ANLN: variants seen among roughly 807,000 people sequenced by gnomAD.
The protein encoded by ANLN is anillin, actin binding protein, also known as anillin.
In ANLN, 59 loss-of-function variants were observed where a neutral mutation model predicts 135.1. That is an observed-to-expected ratio of 0.44 (90% confidence interval 0.35 to 0.54). ANLN has a LOEUF of 0.54. Ranked by LOEUF, ANLN falls within the 20% of genes least tolerant of loss-of-function variation. ANLN has a pLI of 0.00. For synonymous variants in ANLN, 406 were observed against 456.4 expected (o/e 0.89, Z 1.41); for missense variants, 1,182 against 1,340.0 (o/e 0.88, Z 1.84).
At chr7:36,395,731 A>G (rs1299044932) in intron 1 of ANLN, among the ~76,000 whole-genome samples, 1 of 151,868 alleles carries the variant, frequency 6.6e-6, no homozygotes, top group Non-Finnish European at 1.5e-5. Context: ...AGGAATCTTC[A>G]GTGATCTGGC....
chr7:36,412,490 G>A (rs1328632745), intron 7 of ANLN, among the ~76,000 whole-genome samples: 1 of 151,556 alleles, frequency 6.6e-6, no homozygotes, highest in Non-Finnish European at 1.5e-5. Context: ...CACCACACTT[G>A]GCTAATTTTG....
chr7:36,435,157 C>A (rs1223849114), intron 20 of ANLN, among the ~76,000 whole-genome samples: 1 of 152,076 alleles, frequency 6.6e-6, no homozygotes, highest in East Asian at 1.9e-4. Context: ...ATTATAGACA[C>A]CTTAAGTGTA....
At chr7:36,434,335 A>T (rs1164807379) in intron 20 of ANLN, among the ~76,000 whole-genome samples, 1 of 152,320 alleles carries the variant, frequency 6.6e-6, no homozygotes, top group East Asian at 1.9e-4. Flanking sequence ...CTTTTTAGAC[A>T]TGTCTTCAAC....
chr7:36,402,508 T>G (rs1786996307), intron 3 of ANLN, among the ~76,000 whole-genome samples: 1 of 152,116 alleles, frequency 6.6e-6, no homozygotes, highest in Non-Finnish European at 1.5e-5. Flanking sequence ...CAGCGCGATT[T>G]TTCTAAAACA....
At chr7:36,432,178 T>C (rs1425979211) in intron 20 of ANLN, among the ~76,000 whole-genome samples, 1 of 152,194 alleles carries the variant, frequency 6.6e-6, no homozygotes, top group African/African-American at 2.4e-5. Flanking sequence ...TGCAGTGAGC[T>C]ATGATCACGC....
At position 36,393,805 on chromosome 7, in the gene ANLN, G is replaced by A. The variant is rs140293827; in HGVS notation, c.19-2461G>A. 3.2e-3 allele frequency among the ~76,000 whole-genome samples: 491 copies of A among 152,340 alleles called. 11 individuals are homozygous for A. Among genetic ancestry groups the A allele is most frequent in the Admixed American group, 0.029 (441 of 15,312 alleles). ...GAGGGTTAGTCAGTGTCTGATGGAAGATGAGCTGCAATTGTTTTAATATTT... is the reference window on the plus strand; with the variant it reads ...GAGGGTTAGTCAGTGTCTGATGGAAAATGAGCTGCAATTGTTTTAATATTT... On this transcript the variant is annotated intron_variant, in intron 1 of 23. Coordinates refer to ENST00000265748, the MANE Select transcript of ANLN (RefSeq NM_018685.5).
chr7:36,403,824 A>G (rs1262395410), intron 3 of ANLN, among the ~76,000 whole-genome samples: 1 of 151,936 alleles, frequency 6.6e-6, no homozygotes, highest in East Asian at 1.9e-4. Flanking sequence ...TAAGTTTTGC[A>G]TTTTTTGTAG....
At chr7:36,450,198 T>A (rs1368236621) in intron 23 of ANLN, among the ~76,000 whole-genome samples, 10 of 152,212 alleles carry the variant, frequency 6.6e-5, no homozygotes, top group African/African-American at 2.2e-4. Flanking sequence ...ATTCCCAGAA[T>A]ACCCTCGTGT....
chr7:36,420,076 T>C, intron 10 of ANLN, 93 bp from the exon 11 acceptor site: 2 of 1,271,982 alleles, frequency 1.6e-6, no homozygotes, highest in East Asian at 5.0e-5. Context: ...CTGGATTTTT[T>C]TCTTAATATT....
chr7:36,399,984 T>TA (rs1422806210), intron 3 of ANLN, among the ~76,000 whole-genome samples: 1 of 149,402 alleles, frequency 6.7e-6, no homozygotes. Context: ...CCTGCCTTGT[T>TA]ACAAAAAAAA....
chr7:36,422,549 C>T (rs1787920698), intron 13 of ANLN, 84 bp from the exon 14 acceptor site: 1 of 1,213,004 alleles, frequency 8.2e-7, no homozygotes, highest in East Asian at 2.5e-5. Flanking sequence ...CGTACAGTTT[C>T]CATATCAGTA....
intron 15 of ANLN, among the ~76,000 whole-genome samples, chr7:36,424,232 A>G (rs2116682625): frequency 6.6e-6 from 1 of 152,288 alleles, no homozygotes; most frequent in Admixed American, 6.5e-5. Flanking sequence ...AAATCTCATA[A>G]TGTACTTAAC....
At chr7:36,409,407 C>T (rs540016618) in intron 5 of ANLN, among the ~76,000 whole-genome samples, 6 of 152,108 alleles carry the variant, frequency 3.9e-5, no homozygotes, top group Non-Finnish European at 8.8e-5. Context: ...CATTTACTTA[C>T]ATATTCTCTG....
In ANLN at chr7:36,419,489, G is replaced by C. The variant is rs1171897223; in HGVS notation, c.1869+10G>C. ...TGTGGTAAGTCCAGAGGTAAGAAAA[G>C]GCTAACTAAACAGGCCCAGGACATA... On this transcript the variant is annotated intron_variant, in intron 10 of 23. Coordinates refer to ENST00000265748, the MANE Select transcript of ANLN (RefSeq NM_018685.5). 1.2e-6 allele frequency: 2 copies of C among 1,609,040 alleles called. No individual in the cohort carries two copies. Among genetic ancestry groups the C allele is most frequent in the African/African-American group, 2.7e-5 (2 of 74,862 alleles).
rs904905437 is a variant in ANLN, at chr7:36,452,675, T to G, written c.*75T>G. 4.5e-6 allele frequency: 7 copies of G among 1,554,816 alleles called. No individual in the cohort carries two copies. The highest frequency in any genetic ancestry group is 6.1e-6 in the Non-Finnish European group (7 of 1,138,888). On this transcript the variant is annotated 3_prime_UTR_variant, in exon 24 of 24. Coordinates refer to ENST00000265748, the MANE Select transcript of ANLN (RefSeq NM_018685.5). ...ACACACTTAAGAGCATCAGATTTAC[T>G]GATTGCATTTTATGCTTTAAGTACG...
At chr7:36,395,504 C>G (rs1056336556) in intron 1 of ANLN, among the ~76,000 whole-genome samples, 4 of 152,164 alleles carry the variant, frequency 2.6e-5, no homozygotes, top group Non-Finnish European at 5.9e-5. Flanking sequence ...TTATCTCCAT[C>G]TAAAGATTCT....
intron 8 of ANLN, among the ~76,000 whole-genome samples, chr7:36,416,353 G>T (rs1160939165): frequency 6.6e-6 from 1 of 152,118 alleles, no homozygotes; most frequent in East Asian, 1.9e-4. Flanking sequence ...TGTGATCTGT[G>T]AATAGAGATA....
At chr7:36,399,987 A>C (rs1786872941) in intron 3 of ANLN, among the ~76,000 whole-genome samples, 1 of 145,620 alleles carries the variant, frequency 6.9e-6, no homozygotes. Context: ...GCCTTGTTAC[A>C]AAAAAAAAAA....
rs1178556709 is a variant in ANLN, at chr7:36,424,552, G to A, written c.2611G>A (p.Val871Ile). 2 of 1,598,202 alleles carry A rather than the reference G, an allele frequency of 1.3e-6. No homozygotes were observed. The highest frequency in any genetic ancestry group is 1.7e-6 in the Non-Finnish European group (2 of 1,171,496). The change falls in exon 16 of 24, where the codon GTA becomes ATA. Residue 871 changes from valine (V) to isoleucine (I), a missense_variant. Around this residue, in one of 3 missense-constraint regions of ANLN, gnomAD observed 1,022 missense variants for 1,134.0 expected, o/e 0.90. Coordinates refer to ENST00000265748, the MANE Select transcript of ANLN (RefSeq NM_018685.5). ...AATGCTTTATTTTTCCAGGCAAGAT[G>A]TATCCAATGACTTTGAAATAAATAT... is the stretch of plus-strand genomic sequence containing the variant. The part of the protein sequence containing the change: ...TFTTTFTLQD[V>I]SNDFEINIEV...
Sources: allele counts gnomAD v4.1 joint callset (sites outside exome capture counted in the v4.1 genomes callset), GRCh38; gene constraint gnomAD v4.1.1; regional missense constraint gnomAD v4.1.1; transcripts MANE v1.5; gene names NCBI Gene and HGNC (gene_info 2026-07-23, HGNC 2026-07-21).